Variants in ZBED6 observed in about 807,000 individuals in gnomAD.
ZBED6 encodes zinc finger BED-type containing 6.
In ZBED6, 40 loss-of-function variants were observed where a neutral mutation model predicts 58.4. That is an observed-to-expected ratio of 0.68 (90% CI 0.53 to 0.89). The LOEUF (loss-of-function observed/expected upper bound fraction) is 0.89, where lower values mean the gene tolerates loss of function less well. ZBED6 is among the 40% of genes least tolerant of loss of function. The pLI is 0.00. For synonymous variants in ZBED6, 439 were observed against 350.6 expected (o/e 1.25, Z -2.82); for missense variants, 1,057 against 1,003.9 (o/e 1.05, Z -0.71).
intron 3 of ZBED6, 142 bp downstream of exon 3, chr1:203,818,831 A>C: frequency 3.8e-6 from 5 of 1,328,768 alleles, no homozygotes; most frequent in Non-Finnish European, 5.1e-6. Context: ...GCACTTTGGG[A>C]GGCTGAGGCG....
chr1:203,850,849 A>AAGT (rs1296206482), intron 15 of ZBED6, among the ~76,000 whole-genome samples, 168 bp downstream of exon 15: 1 of 152,202 alleles, frequency 6.6e-6, no homozygotes, highest in Non-Finnish European at 1.5e-5. Context: ...GATATTTGTG[A>AAGT]AGTAGCAGGA....
intron 7 of ZBED6, among the ~76,000 whole-genome samples, 190 bp from the exon 8 acceptor site, chr1:203,831,471 C>T (rs1414530209): frequency 3.3e-5 from 5 of 152,154 alleles, no homozygotes; most frequent in Admixed American, 3.3e-4. Context: ...TTTGTTTTCA[C>T]ATCATGCCCA....
intron 10 of ZBED6, among the ~76,000 whole-genome samples, chr1:203,838,884 C>T (rs1408468458): frequency 1.4e-5 from 2 of 141,562 alleles, no homozygotes; most frequent in African/African-American, 5.4e-5. Context: ...ACCTGGAAGG[C>T]GGAGGTTACA....
chr1:203,804,155 T>G (rs1272249883), intron 1 of ZBED6, among the ~76,000 whole-genome samples: 2 of 114,918 alleles, frequency 1.7e-5, no homozygotes, highest in Non-Finnish European at 2.0e-5. Flanking sequence ...TATATGTGTT[T>G]TTTTTTTTTT....
intron 3 of ZBED6, among the ~76,000 whole-genome samples, chr1:203,823,400 C>T (rs991372882): frequency 1.3e-5 from 2 of 152,240 alleles, no homozygotes; most frequent in African/African-American, 4.8e-5. Flanking sequence ...ATTAGAGACT[C>T]AGCATCCAGG....
chr1:203,798,488 C>T, exon 1 of ZBED6: 6 of 1,536,126 alleles, frequency 3.9e-6, no homozygotes, highest in Non-Finnish European at 5.2e-6. Flanking sequence ...CTGTTGCCAA[C>T]AAAGACAGTG....
chr1:203,821,184 C>T (rs1678546705), intron 3 of ZBED6, among the ~76,000 whole-genome samples: 1 of 152,100 alleles, frequency 6.6e-6, no homozygotes, highest in Admixed American at 6.6e-5. Context: ...AAGTGTGGGA[C>T]TCCCTTTGCT....
chr1:203,822,108 A>T (rs1396265710), intron 3 of ZBED6, among the ~76,000 whole-genome samples: 1 of 152,088 alleles, frequency 6.6e-6, no homozygotes, highest in Non-Finnish European at 1.5e-5. Context: ...GTTCATATAG[A>T]TGCTTCCAGT....
In ZBED6 at chr1:203,830,925, ATTTTTTTTTTTTTTTTTTTTTT is replaced by A. The variant is rs774771270; in HGVS notation, c.*3400-719_*3400-698del. On this transcript the variant is annotated intron_variant, in intron 7 of 16. Coordinates refer to ENST00000550078, the Ensembl canonical transcript of ZBED6. Reference sequence around the variant, plus strand: ...GATTGCTCTGTATTTCCAACCCCCAATTTTTTTTTTTTTTTTTTTTTTTTTTTTTTTTTTTTTTGAGACAGAG... The same window carrying A: ...GATTGCTCTGTATTTCCAACCCCCAATTTTTTTTTTTTTTTTGAGACAGAG... 2.1e-3 allele frequency among the ~76,000 whole-genome samples: 110 copies of A among 51,384 alleles called. 2 individuals are homozygous for A. In the Middle Eastern group the frequency reaches 0.05, roughly 23 times the overall value. The allele number at this position is 51,384 out of a possible 152,430, so 33.7% of individuals were successfully genotyped here.
chr1:203,829,382 G>C, intron 4 of ZBED6, 69 bp from the exon 5 acceptor site: 2 of 1,514,904 alleles, frequency 1.3e-6, no homozygotes, highest in Non-Finnish European at 9.2e-7. Flanking sequence ...TTCATAGGTG[G>C]TCAGGAATTT....
At chr1:203,832,890 C>T (rs1682854233) in intron 8 of ZBED6, among the ~76,000 whole-genome samples, 1 of 152,078 alleles carries the variant, frequency 6.6e-6, no homozygotes, top group Admixed American at 6.6e-5. Flanking sequence ...GCTTTATAAC[C>T]AATTGGTTAA....
Position 203,804,953 on chromosome 1 carries a change from G to A in ZBED6, c.*2554+1937G>A, listed in dbSNP as rs145698528. On this transcript the variant is annotated intron_variant, in intron 1 of 16. Transcript: ENST00000550078. ...CTCCTAAAGTGCTGGGATTACAGGC[G>A]TGAGCTATTGTGCCCGGCCTGTCTC... Among the ~76,000 whole-genome samples the A allele has an allele frequency of 4.9e-3, 744 of 152,034 alleles. 3 individuals are homozygous for A. The highest frequency in any genetic ancestry group is 7.8e-3 in the Non-Finnish European group (528 of 67,966).
intron 3 of ZBED6, among the ~76,000 whole-genome samples, chr1:203,821,720 A>G (rs369343867): frequency 5.3e-5 from 8 of 151,636 alleles, no homozygotes; most frequent in African/African-American, 1.9e-4. Context: ...ATATAAATGT[A>G]TACACTTAAC....
chr1:203,797,484 C>T, exon 1 of ZBED6: 2 of 1,454,752 alleles, frequency 1.4e-6, no homozygotes, highest in South Asian at 1.5e-5. Flanking sequence ...AATAAACCCA[C>T]TAACAGATTC....
intron 13 of ZBED6, among the ~76,000 whole-genome samples, chr1:203,849,291 C>T (rs1688711770): frequency 6.6e-6 from 1 of 152,200 alleles, no homozygotes; most frequent in Non-Finnish European, 1.5e-5. Context: ...TTACAGCCTG[C>T]TTTAACTTTA....
chr1:203,814,570 ATCC>A (rs1675616260), intron 1 of ZBED6, among the ~76,000 whole-genome samples: 1 of 152,006 alleles, frequency 6.6e-6, no homozygotes, highest in African/African-American at 2.4e-5. Flanking sequence ...CAATAACACG[ATCC>A]TAATTTCTGA....
exon 17 of ZBED6, chr1:203,852,354 T>C (rs770459069): frequency 6.2e-7 from 1 of 1,613,616 alleles, no homozygotes. Flanking sequence ...CTGGGAAAGA[T>C]GAAGATGACC....
At chr1:203,843,122 C>G (rs1270930638) in intron 11 of ZBED6, among the ~76,000 whole-genome samples, 1 of 152,026 alleles carries the variant, frequency 6.6e-6, no homozygotes, top group Non-Finnish European at 1.5e-5. Flanking sequence ...TTGTATGCAA[C>G]CTGAATTATT....
At chr1:203,839,336 C>G (rs984316618) in intron 10 of ZBED6, among the ~76,000 whole-genome samples, 2 of 152,090 alleles carry the variant, frequency 1.3e-5, no homozygotes, top group Non-Finnish European at 2.9e-5. Context: ...ACTATTGCGC[C>G]CCTCAGGGAA....
Sources: gnomAD v4.1 joint callset for allele counts (sites outside exome capture counted in the v4.1 genomes callset) on GRCh38, gnomAD v4.1.1 for gene constraint, MANE v1.5 for transcripts, NCBI Gene and HGNC (gene_info 2026-07-23, HGNC 2026-07-21) for gene names.